UBE2E2: variants seen among roughly 807,000 people sequenced by gnomAD.
The protein encoded by UBE2E2 is ubiquitin-conjugating enzyme E2 E2.
UBE2E2 carries 6 observed loss-of-function variants against 24.7 expected under a neutral mutation model. That is an observed-to-expected ratio of 0.24 (90% confidence interval 0.13 to 0.48). The LOEUF is 0.48. Ranked by LOEUF, UBE2E2 falls within the 20% of genes least tolerant of loss-of-function variation. The pLI, the probability that UBE2E2 is intolerant of heterozygous loss-of-function variation, is 0.99. For missense variants in UBE2E2, 169 were observed against 245.0 expected (o/e 0.69, Z 2.07); for synonymous variants, 104 against 83.6 (o/e 1.24, Z -1.33).
chr3:23,374,030 T>C (rs992543303), intron 3 of UBE2E2, among the ~76,000 whole-genome samples: 12 of 152,204 alleles, frequency 7.9e-5, no homozygotes, highest in African/African-American at 2.9e-4. Flanking sequence ...TCCTACAGGA[T>C]GCTTAATAGC....
At chr3:23,290,547 C>T (rs1019153144) in intron 3 of UBE2E2, among the ~76,000 whole-genome samples, 2 of 151,756 alleles carry the variant, frequency 1.3e-5, no homozygotes, top group Admixed American at 6.6e-5. Context: ...CCAACTCTTC[C>T]GTTCAAGTGA....
At chr3:23,534,050 G>T (rs1206764494) in intron 5 of UBE2E2, 5 of 274,974 alleles carry the variant, frequency 1.8e-5, no homozygotes, top group Non-Finnish European at 2.7e-5. Flanking sequence ...CAGTCCTGTT[G>T]TTCCCATTTT....
In UBE2E2 at chr3:23,373,953, A is replaced by G. The variant is rs191270209; in HGVS notation, c.228-125655A>G. Reference sequence around the variant, plus strand: ...AAAAATATCGTAAATGCAAATGTTTATTAAATGTTCTAAAAATCAAAACAA... The same window carrying G: ...AAAAATATCGTAAATGCAAATGTTTGTTAAATGTTCTAAAAATCAAAACAA... On this transcript the variant is annotated intron_variant, in intron 3 of 5. Transcript: ENST00000396703. Among the ~76,000 whole-genome samples, 220 of 152,152 alleles carry G rather than the reference A, an allele frequency of 1.4e-3. 1 individual carries two copies. The highest frequency in any genetic ancestry group is 5.0e-3 in the African/African-American group (209 of 41,418).
chr3:23,485,482 T>G (rs1341221093), intron 3 of UBE2E2, among the ~76,000 whole-genome samples: 2 of 152,178 alleles, frequency 1.3e-5, no homozygotes, highest in Non-Finnish European at 2.9e-5. Context: ...ATCTAGCACT[T>G]TTCTTCTTGA....
At chr3:23,335,762 G>T (rs1695189200) in intron 3 of UBE2E2, among the ~76,000 whole-genome samples, 1 of 152,152 alleles carries the variant, frequency 6.6e-6, no homozygotes, top group African/African-American at 2.4e-5. Context: ...TTGAACTCCT[G>T]TGCTCAAGAG....
At chr3:23,339,457 T>C (rs1695321697) in intron 3 of UBE2E2, among the ~76,000 whole-genome samples, 1 of 152,144 alleles carries the variant, frequency 6.6e-6, no homozygotes, top group African/African-American at 2.4e-5. Flanking sequence ...ACTGTGGTTA[T>C]ATAAGATGTT....
chr3:23,374,586 G>T (rs1377172182), intron 3 of UBE2E2, among the ~76,000 whole-genome samples: 1 of 152,134 alleles, frequency 6.6e-6, no homozygotes. Flanking sequence ...ATTATCACCT[G>T]TTAATATTGG....
rs577297772 is a variant in UBE2E2 at position 23,300,038 on chromosome 3, A to G, written c.227+82726A>G. On this transcript the variant is annotated intron_variant, in intron 3 of 5. Transcript: ENST00000396703. The stretch of plus-strand genomic sequence containing the variant: ...GAATTGATCCCTTTACCATTATGTA[A>G]TGGCCTTCTTTGTCTCTTTTGATCT... Among the ~76,000 whole-genome samples, 1,343 of 150,978 alleles carry G rather than the reference A, an allele frequency of 8.9e-3. 27 individuals are homozygous for G. Among genetic ancestry groups the G allele is most frequent in the African/African-American group, 0.032 (1,302 of 41,282 alleles).
intron 3 of UBE2E2, among the ~76,000 whole-genome samples, chr3:23,441,732 G>A (rs1007337937): frequency 6.6e-6 from 1 of 152,044 alleles, no homozygotes; most frequent in African/African-American, 2.4e-5. Flanking sequence ...ATTCAGTATT[G>A]CTTTATGCTA....
chr3:23,564,576 T>G (rs543069264), intron 5 of UBE2E2, among the ~76,000 whole-genome samples: 1 of 152,266 alleles, frequency 6.6e-6, no homozygotes, highest in East Asian at 1.9e-4. Flanking sequence ...ATGTCTCATT[T>G]TATACAGAAT....
chr3:23,559,566 C>T (rs1328583647), intron 5 of UBE2E2, among the ~76,000 whole-genome samples: 1 of 152,200 alleles, frequency 6.6e-6, no homozygotes, highest in Non-Finnish European at 1.5e-5. Flanking sequence ...TAACTAATAC[C>T]AGCAGCCCTG....
chr3:23,525,763 A>T (rs2125479417), intron 4 of UBE2E2, among the ~76,000 whole-genome samples: 1 of 152,318 alleles, frequency 6.6e-6, no homozygotes, highest in East Asian at 1.9e-4. Context: ...GACATGAAGG[A>T]TGTATAGCTG....
At chr3:23,351,935 T>G (rs1695767562) in intron 3 of UBE2E2, among the ~76,000 whole-genome samples, 2 of 152,202 alleles carry the variant, frequency 1.3e-5, no homozygotes, top group African/African-American at 4.8e-5. Flanking sequence ...TATACATTTT[T>G]TTCAGCACCA....
At chr3:23,217,386 G>A in intron 3 of UBE2E2, 74 bp downstream of exon 3, 1 of 1,334,620 alleles carries the variant, frequency 7.5e-7, no homozygotes, top group Non-Finnish European at 1.1e-6. Context: ...TTTATATGCA[G>A]CTGTTGTTGT....
intron 3 of UBE2E2, among the ~76,000 whole-genome samples, chr3:23,305,694 T>G (rs1328492267): frequency 6.6e-6 from 1 of 152,160 alleles, no homozygotes; most frequent in Non-Finnish European, 1.5e-5. Context: ...AATGGTCCCC[T>G]TTTCTTACAG....
intron 4 of UBE2E2, among the ~76,000 whole-genome samples, chr3:23,509,924 C>T (rs1031080031): frequency 7.9e-5 from 12 of 151,940 alleles, no homozygotes; most frequent in South Asian, 2.1e-4. Context: ...TTTTTATGGC[C>T]GCATAGTATT....
chr3:23,341,166 A>G (rs550350596), intron 3 of UBE2E2, among the ~76,000 whole-genome samples: 7 of 152,204 alleles, frequency 4.6e-5, no homozygotes, highest in Non-Finnish European at 7.4e-5. Flanking sequence ...GCAGCATTAA[A>G]TATTGGAGGT....
chr3:23,272,300 G>T (rs1374596000), intron 3 of UBE2E2, among the ~76,000 whole-genome samples: 2 of 149,254 alleles, frequency 1.3e-5, no homozygotes, highest in Non-Finnish European at 3.0e-5. Context: ...TTCTCTGAGT[G>T]TGGGGCCTGC....
At chr3:23,217,190 A>T in intron 2 of UBE2E2, 72 bp from the exon 3 acceptor site, 1 of 1,306,542 alleles carries the variant, frequency 7.7e-7, no homozygotes, top group Non-Finnish European at 1.1e-6. Flanking sequence ...ATTAAAATGT[A>T]ACGTTTTAAT....
Sources: allele counts gnomAD v4.1 joint callset (sites outside exome capture counted in the v4.1 genomes callset), GRCh38; gene constraint gnomAD v4.1.1; transcripts MANE v1.5; gene names NCBI Gene and HGNC (gene_info 2026-07-23, HGNC 2026-07-21).